RPRD2: variants seen among roughly 807,000 people sequenced by gnomAD.
RPRD2 encodes the protein regulation of nuclear pre-mRNA domain containing 2, also known as regulation of nuclear pre-mRNA domain-containing protein 2.
Under a neutral mutation model 104.4 loss-of-function variants are expected in RPRD2, and 12 were observed. The ratio of observed to expected loss-of-function variants is 0.11; its 90% CI spans 0.07 to 0.19. RPRD2 has a LOEUF of 0.19. RPRD2 is among the 10% of genes least tolerant of loss of function. The probability of loss-of-function intolerance (pLI) is 1.00; values close to 1 mark genes in which losing one functional copy is unlikely to be tolerated. For synonymous variants in RPRD2, 714 were observed against 684.9 expected (o/e 1.04, Z -0.66); for missense variants, 1,543 against 1,790.1 (o/e 0.86, Z 2.49).
intron 6 of RPRD2, among the ~76,000 whole-genome samples, chr1:150,445,249 A>T (rs587614647): frequency 3.6e-4 from 55 of 152,258 alleles, no homozygotes; most frequent in Admixed American, 2.0e-3. Flanking sequence ...CAGAAAACAT[A>T]CTAAAAATCT....
At chr1:150,398,582 C>T (rs112627067) in intron 1 of RPRD2, among the ~76,000 whole-genome samples, 3 of 151,372 alleles carry the variant, frequency 2.0e-5, no homozygotes, top group Non-Finnish European at 4.4e-5. Flanking sequence ...CTCACTCTGT[C>T]ACCCAGACTG....
At chr1:150,383,327 G>C (rs1453213727) in intron 1 of RPRD2, among the ~76,000 whole-genome samples, 1 of 66,134 alleles carries the variant, frequency 1.5e-5, no homozygotes, top group Non-Finnish European at 2.8e-5. Flanking sequence ...TTTTTTTTTT[G>C]GTGACGGAGT....
chr1:150,457,514 G>C lies in RPRD2; in HGVS notation c.1097G>C (p.Arg366Pro). The C allele has an allele frequency of 1.2e-6, 2 of 1,613,890 alleles. No individual in the cohort carries two copies. The highest frequency in any genetic ancestry group is 1.7e-6 in the Non-Finnish European group (2 of 1,179,808). The part of the protein sequence containing the change: ...SATPEPVTDN[R>P]DVEDMELSDV... ...ACACCTGAACCTGTGACAGATAATC[G>C]TGATGTGGAAGACATGGAACTCTCA... The change falls in exon 8 of 11, where the codon CGT becomes CCT. Residue 366 changes from arginine to proline, a missense_variant. Transcript: ENST00000369068.
chr1:150,440,781 G>T, intron 2 of RPRD2, 142 bp from the exon 3 acceptor site: 1 of 607,966 alleles, frequency 1.6e-6, no homozygotes, highest in Non-Finnish European at 2.9e-6. Context: ...CTTTAGTCCT[G>T]GATATTATAG....
intron 1 of RPRD2, among the ~76,000 whole-genome samples, chr1:150,370,462 C>T (rs983508202): frequency 6.6e-6 from 1 of 151,848 alleles, no homozygotes; most frequent in Non-Finnish European, 1.5e-5. Flanking sequence ...AATTACATTC[C>T]CAGTTTGTGA....
At chr1:150,452,667 T>C (rs1228738997) in intron 7 of RPRD2, among the ~76,000 whole-genome samples, 207 of 138,722 alleles carry the variant, frequency 1.5e-3, no homozygotes, top group African/African-American at 5.3e-3. Flanking sequence ...TCCCCTTTTT[T>C]TTTTTTTTTT....
chr1:150,452,691 C>T (rs587621882), intron 7 of RPRD2, among the ~76,000 whole-genome samples: 31 of 87,160 alleles, frequency 3.6e-4, no homozygotes, highest in Non-Finnish European at 5.5e-4. Context: ...TTTTTTGAGA[C>T]GAACTTTCCA....
intron 1 of RPRD2, among the ~76,000 whole-genome samples, chr1:150,366,129 C>T (rs1659826133): frequency 6.6e-6 from 1 of 152,178 alleles, no homozygotes; most frequent in South Asian, 2.1e-4. Context: ...GGAGAAGTTA[C>T]TGTTTCCTGC....
chr1:150,424,561 C>T (rs920485452), intron 2 of RPRD2, among the ~76,000 whole-genome samples: 1 of 152,202 alleles, frequency 6.6e-6, no homozygotes, highest in African/African-American at 2.4e-5. Flanking sequence ...GCTGGGATTA[C>T]AGGCATGAGC....
At chr1:150,452,418 A>AT (rs1347130919) in intron 7 of RPRD2, among the ~76,000 whole-genome samples, 2 of 152,272 alleles carry the variant, frequency 1.3e-5, no homozygotes, top group African/African-American at 4.8e-5. Flanking sequence ...GTAGTACTTA[A>AT]TTAACCACTG....
intron 1 of RPRD2, among the ~76,000 whole-genome samples, chr1:150,414,039 G>A (rs1287394401): frequency 1.3e-5 from 2 of 152,088 alleles, no homozygotes; most frequent in African/African-American, 4.8e-5. Flanking sequence ...GTTTCAGTGA[G>A]CCAAGATTGT....
Position 150,472,474 on chromosome 1 carries a change from G to A in RPRD2, c.3526G>A (p.Glu1176Lys). The A allele has an allele frequency of 6.2e-7, 1 of 1,613,946 alleles. No individual in the cohort carries two copies. Among genetic ancestry groups the A allele is most frequent in the Non-Finnish European group, 8.5e-7 (1 of 1,179,880 alleles). Reference protein sequence around the residue: ...PYKERAPQFQESVGSFRSNSF... With the variant: ...PYKERAPQFQKSVGSFRSNSF... ...CAAGGAACGGGCACCTCAATTTCAG[G>A]AGAGTGTCGGCAGCTTTCGTTCCAA... is the stretch of plus-strand genomic sequence containing the variant. The change falls in exon 11 of 11, where the codon GAG (glutamate) becomes AAG (lysine). Residue 1176 changes from glutamate (E) to lysine (K), a missense_variant. By Grantham distance (56) the Glu-to-Lys change is moderately conservative. Around this residue, in one of 4 missense-constraint regions of RPRD2, gnomAD observed 880 missense variants for 885.6 expected, o/e 0.99. Transcript: ENST00000369068.
intron 10 of RPRD2, among the ~76,000 whole-genome samples, chr1:150,465,014 C>T (rs1277998620): frequency 6.6e-6 from 1 of 151,800 alleles, no homozygotes; most frequent in Non-Finnish European, 1.5e-5. Context: ...GATTACAGGC[C>T]CACACCACCA....
chr1:150,369,383 A>G (rs1553877809), intron 1 of RPRD2, among the ~76,000 whole-genome samples: 1 of 148,798 alleles, frequency 6.7e-6, no homozygotes, highest in African/African-American at 2.5e-5. Flanking sequence ...CCTGGGCTCA[A>G]GCAATCCTGC....
chr1:150,427,101 C>T (rs911219478), intron 2 of RPRD2, among the ~76,000 whole-genome samples: 4 of 151,804 alleles, frequency 2.6e-5, no homozygotes, highest in South Asian at 2.1e-4. Flanking sequence ...CCTGAGATCA[C>T]GCCACTGCAC....
chr1:150,458,954 T>C (rs1667733921), intron 8 of RPRD2, among the ~76,000 whole-genome samples: 1 of 152,212 alleles, frequency 6.6e-6, no homozygotes, highest in Non-Finnish European at 1.5e-5. Context: ...TGATTCTTTT[T>C]TTGTTAATTT....
In RPRD2 at chr1:150,472,300, G is replaced by C; in HGVS notation, c.3352G>C (p.Gly1118Arg). The change falls in exon 11 of 11, where the codon GGA becomes CGA. Residue 1118 changes from glycine (G) to arginine (R), a missense_variant. Gly to Arg is a moderately radical substitution (Grantham distance 125). Transcript: ENST00000369068. ...SIRVPGKGNR[G>R]HGREASRVGW... ...CCGAGTTCCTGGGAAGGGAAATAGA[G>C]GACATGGGCGTGAGGCTTCAAGGGT... 1 of 1,613,966 alleles carries C rather than the reference G, an allele frequency of 6.2e-7. No individual in the cohort carries two copies. Among genetic ancestry groups the C allele is most frequent in the Non-Finnish European group, 8.5e-7 (1 of 1,179,882 alleles).
intron 9 of RPRD2, among the ~76,000 whole-genome samples, 165 bp from the exon 10 acceptor site, chr1:150,464,362 G>GTT (rs34642023): frequency 0.04 from 5,253 of 131,000 alleles, 390 homozygotes; most frequent in African/African-American, 0.14. Flanking sequence ...TCTTTTCAGG[G>GTT]TTTTTTTTTT....
At chr1:150,467,567 T>C (rs1668359807) in intron 10 of RPRD2, among the ~76,000 whole-genome samples, 1 of 151,616 alleles carries the variant, frequency 6.6e-6, no homozygotes, top group Non-Finnish European at 1.5e-5. Context: ...AGACACGGGG[T>C]TTCGCCATGT....
Sources: allele counts gnomAD v4.1 joint callset (sites outside exome capture counted in the v4.1 genomes callset), GRCh38; gene constraint gnomAD v4.1.1; regional missense constraint gnomAD v4.1.1; transcripts MANE v1.5; gene names NCBI Gene and HGNC (gene_info 2026-07-23, HGNC 2026-07-21).